Variants in NAALADL2 observed in about 807,000 individuals in gnomAD.
NAALADL2 encodes the protein inactive N-acetylated-alpha-linked acidic dipeptidase-like protein 2.
Under a neutral mutation model 87.2 loss-of-function variants are expected in NAALADL2, and 76 were observed. That is an observed-to-expected ratio of 0.87 (90% CI 0.72 to 1.05). NAALADL2 has a LOEUF of 1.05. Among genes scored for constraint, NAALADL2 ranks in the 50% least tolerant of loss-of-function variants. The probability of loss-of-function intolerance (pLI) is 0.00; values close to 1 mark genes in which losing one functional copy is unlikely to be tolerated. For synonymous variants in NAALADL2, 354 were observed against 331.0 expected (o/e 1.07, Z -0.75); for missense variants, 1,089 against 945.8 (o/e 1.15, Z -1.99).
At chr3:175,239,603 AT>A (rs1274890947) in intron 3 of NAALADL2, among the ~76,000 whole-genome samples, 1 of 152,078 alleles carries the variant, frequency 6.6e-6, no homozygotes, top group Non-Finnish European at 1.5e-5. Flanking sequence ...GTAAAGCTTC[AT>A]TTTTTTATCT....
intron 10 of NAALADL2, among the ~76,000 whole-genome samples, chr3:175,623,137 G>A (rs1189065507): frequency 6.6e-6 from 1 of 152,016 alleles, no homozygotes; most frequent in Non-Finnish European, 1.5e-5. Flanking sequence ...TACGTTGAGG[G>A]ATAATTTATG....
chr3:174,809,023 C>G (rs913150120), intron 3 of NAALADL2, among the ~76,000 whole-genome samples: 1 of 152,084 alleles, frequency 6.6e-6, no homozygotes, highest in African/African-American at 2.4e-5. Flanking sequence ...TGTATATGTT[C>G]AATTATGGAA....
chr3:174,606,051 G>A (rs1659224425), intron 2 of NAALADL2, among the ~76,000 whole-genome samples: 3 of 152,218 alleles, frequency 2.0e-5, no homozygotes, highest in African/African-American at 7.2e-5. Flanking sequence ...CTGATACCCA[G>A]GCAAACAGGG....
chr3:175,722,927 G>A (rs1303348806), intron 11 of NAALADL2, among the ~76,000 whole-genome samples: 2 of 152,090 alleles, frequency 1.3e-5, no homozygotes, highest in African/African-American at 4.8e-5. Context: ...ATACAATGAT[G>A]CACAGTGTAG....
rs1458321715 is a variant in NAALADL2, at chr3:175,466,987, A to G, written c.1336A>G (p.Ile446Val). 11 of 1,612,690 alleles carry G rather than the reference A, an allele frequency of 6.8e-6. No individual in the cohort carries two copies. In the Admixed American group the frequency reaches 8.3e-5, roughly 12 times the overall value. ...TCCCTTTCTATTTTCAGACCGGTAT[A>G]TCATAGTTGGCAGCCATCATCACAC... Reference protein sequence around the residue: ...VMGLTSPDRYIIVGSHHHTAH... With the variant: ...VMGLTSPDRYVIVGSHHHTAH... The change falls in exon 8 of 14, where the codon ATC becomes GTC. Residue 446 changes from isoleucine (I) to valine (V), a missense_variant. Physicochemically the swap from Ile to Val is conservative, Grantham distance 29. Transcript: ENST00000454872.
intron 12 of NAALADL2, among the ~76,000 whole-genome samples, chr3:175,748,139 A>T (rs954155449): frequency 1.5e-4 from 23 of 152,110 alleles, no homozygotes; most frequent in African/African-American, 5.3e-4. Flanking sequence ...CCCTTAAATA[A>T]TATCTTTTTA....
At chr3:174,837,997 C>G (rs919901018) in intron 3 of NAALADL2, among the ~76,000 whole-genome samples, 1 of 140,170 alleles carries the variant, frequency 7.1e-6, no homozygotes. Context: ...AATACCAAAA[C>G]CAGGAAAGGA....
At chr3:174,983,205 A>G (rs1340169536) in intron 1 of NAALADL2, among the ~76,000 whole-genome samples, 1 of 152,224 alleles carries the variant, frequency 6.6e-6, no homozygotes, top group Non-Finnish European at 1.5e-5. Context: ...AAGAGGGGAC[A>G]GTATGACCCA....
chr3:175,282,148 T>C (rs914267000), intron 4 of NAALADL2, among the ~76,000 whole-genome samples: 5 of 152,050 alleles, frequency 3.3e-5, no homozygotes, highest in African/African-American at 1.2e-4. Context: ...GTTTTACAAA[T>C]GAATAAATAA....
At chr3:174,752,138 C>T (rs553859102) in intron 3 of NAALADL2, among the ~76,000 whole-genome samples, 50 of 151,980 alleles carry the variant, frequency 3.3e-4, no homozygotes, top group African/African-American at 1.1e-3. Context: ...CCACCATGCC[C>T]GGCTATTTTT....
At chr3:175,382,798 C>A (rs917780583) in intron 5 of NAALADL2, among the ~76,000 whole-genome samples, 1 of 151,464 alleles carries the variant, frequency 6.6e-6, no homozygotes. Flanking sequence ...TAATTATATA[C>A]GTATTCTCCT....
At chr3:175,255,680 G>T (rs1208020015) in intron 3 of NAALADL2, among the ~76,000 whole-genome samples, 2 of 152,294 alleles carry the variant, frequency 1.3e-5, no homozygotes, top group African/African-American at 4.8e-5. Flanking sequence ...CACTACAAGA[G>T]AAGGTTTTTA....
At chr3:175,562,597 T>C (rs1231586838) in intron 9 of NAALADL2, among the ~76,000 whole-genome samples, 1 of 151,926 alleles carries the variant, frequency 6.6e-6, no homozygotes, top group Non-Finnish European at 1.5e-5. Context: ...GCAAGTACAA[T>C]ATCAATTTCT....
At chr3:174,688,571 A>G (rs915834846) in intron 2 of NAALADL2, among the ~76,000 whole-genome samples, 27 of 151,972 alleles carry the variant, frequency 1.8e-4, no homozygotes, top group East Asian at 5.8e-4. Context: ...ATTGGCTGTT[A>G]TTATTCTTCT....
chr3:174,863,828 T>C (rs1442172553), intron 1 of NAALADL2: 1 of 285,016 alleles, frequency 3.5e-6, no homozygotes, highest in African/African-American at 2.3e-5. Flanking sequence ...AGAACTTTAA[T>C]AGCATTTTCA....
intron 2 of NAALADL2, among the ~76,000 whole-genome samples, chr3:174,552,081 A>G (rs746700865): frequency 9.2e-5 from 14 of 152,326 alleles, no homozygotes; most frequent in Admixed American, 3.3e-4. Flanking sequence ...GTGGATACTA[A>G]TCGTATTAGT....
At chr3:175,280,357 C>T (rs1357498621) in intron 4 of NAALADL2, among the ~76,000 whole-genome samples, 4 of 152,104 alleles carry the variant, frequency 2.6e-5, no homozygotes, top group African/African-American at 9.6e-5. Flanking sequence ...CCTTCCCTTA[C>T]CAAAATCCTT....
At chr3:175,123,348 G>T (rs1726434172) in intron 2 of NAALADL2, among the ~76,000 whole-genome samples, 2 of 151,856 alleles carry the variant, frequency 1.3e-5, no homozygotes, top group Admixed American at 1.3e-4. Context: ...ATAGATGGTA[G>T]GGCAATGGTC....
intron 2 of NAALADL2, among the ~76,000 whole-genome samples, chr3:174,639,311 A>G (rs1014202744): frequency 2.0e-5 from 3 of 152,206 alleles, no homozygotes; most frequent in East Asian, 1.9e-4. Context: ...AGTTCTTTCA[A>G]TGTAATGGAA....
Sources: allele counts gnomAD v4.1 joint callset (sites outside exome capture counted in the v4.1 genomes callset), GRCh38; gene constraint gnomAD v4.1.1; transcripts MANE v1.5; gene names NCBI Gene and HGNC (gene_info 2026-07-23, HGNC 2026-07-21).